Variants in ADH1A observed in about 807,000 individuals in gnomAD.
ADH1A encodes alcohol dehydrogenase 1A.
ADH1A carries 29 observed loss-of-function variants against 35.2 expected under a neutral mutation model. The ratio of observed to expected loss-of-function variants is 0.82; its 90% CI spans 0.61 to 1.12. The LOEUF is 1.12. ADH1A is among the 50% of genes most tolerant of loss of function. ADH1A has a pLI of 0.00. For missense variants in ADH1A, 469 were observed against 464.7 expected (o/e 1.01, Z -0.09); for synonymous variants, 147 against 164.8 (o/e 0.89, Z 0.83).
At chr4:99,277,618 G>A (rs369025067) in intron 8 of ADH1A, among the ~76,000 whole-genome samples, 2 of 152,038 alleles carry the variant, frequency 1.3e-5, no homozygotes, top group South Asian at 2.1e-4. Context: ...CTTCTTACTA[G>A]GCATATGTAC....
chr4:99,282,254 A>G, intron 6 of ADH1A, 92 bp downstream of exon 6: 5 of 1,611,180 alleles, frequency 3.1e-6, no homozygotes, highest in Non-Finnish European at 3.4e-6. Context: ...ATCATTAAAA[A>G]TATCCTTTAT....
At chr4:99,283,149 A>G (rs1733048246) in intron 5 of ADH1A, among the ~76,000 whole-genome samples, 1 of 152,234 alleles carries the variant, frequency 6.6e-6, no homozygotes, top group Non-Finnish European at 1.5e-5. Context: ...CATGACCAGT[A>G]TATCCCTGCT....
At chr4:99,287,292 A>C (rs1296740746) in intron 2 of ADH1A, among the ~76,000 whole-genome samples, 2 of 152,242 alleles carry the variant, frequency 1.3e-5, no homozygotes, top group Admixed American at 6.5e-5. Context: ...GTTGCAAATT[A>C]ATACATAAAA....
chr4:99,284,878 G>T, intron 3 of ADH1A, 75 bp from the exon 4 acceptor site: 1 of 1,295,590 alleles, frequency 7.7e-7, no homozygotes. Context: ...AAGCTCACAT[G>T]TCTTTAAAAC....
In ADH1A at chr4:99,284,716, T is replaced by C. The variant is rs1733100945; in HGVS notation, c.347A>G (p.Asp116Gly). 1 of 1,614,134 alleles carries C rather than the reference T, an allele frequency of 6.2e-7. No homozygotes were observed. Among genetic ancestry groups the C allele is most frequent in the Non-Finnish European group, 8.5e-7 (1 of 1,179,970 alleles). Residue 116 changes from aspartate to glycine, a missense_variant and splice_region_variant, in exon 4 of 9, where the codon GAT (aspartate) becomes GGT (glycine). Physicochemically the swap from Asp to Gly is moderately conservative, Grantham distance 94 (BLOSUM62 -1). Transcript: ENST00000209668. ...NPESNYCLKN[D>G]VSNPQGTLQD... is the part of the protein sequence containing the mutation. The stretch of plus-strand genomic sequence containing the variant: ...CGCAGGGAGAGCATCAGAAACCTAC[T>C]CGTTTTTCAAGCAGTAGTTGCTCTC...
rs1313569755 is a variant in ADH1A at position 99,284,362 on chromosome 4, GCGTGTAA to G, written c.567+30_567+36del. ...CTTCCCTTTGGGTTCCTGACAGTCTGCGTGTAACTGTTTTTATCACCCATTGCCATTC... is the reference window on the plus strand; with the variant it reads ...CTTCCCTTTGGGTTCCTGACAGTCTGCTGTTTTTATCACCCATTGCCATTC... On this transcript the variant is annotated intron_variant, in intron 5 of 8. Coordinates refer to ENST00000209668, the MANE Select transcript of ADH1A (RefSeq NM_000667.4). 3.1e-6 allele frequency: 5 copies of G among 1,600,134 alleles called. No homozygotes were observed. The Admixed American group carries it at 8.3e-5, about 27-fold the overall frequency.
At chr4:99,279,276 C>A (rs1162408945) in intron 8 of ADH1A, 150 bp downstream of exon 8, 18 of 1,084,678 alleles carry the variant, frequency 1.7e-5, no homozygotes, top group Non-Finnish European at 2.1e-5. Context: ...TTTTAAACTT[C>A]TCTTACAAGC....
chr4:99,287,426 A>T, intron 2 of ADH1A, 138 bp downstream of exon 2: 2 of 848,472 alleles, frequency 2.4e-6, no homozygotes, highest in Non-Finnish European at 1.8e-6. Context: ...TTTAAAATTT[A>T]AAAATTTATA....
At chr4:99,280,468 G>T (rs567716412) in intron 6 of ADH1A, among the ~76,000 whole-genome samples, 189 bp from the exon 7 acceptor site, 1 of 152,170 alleles carries the variant, frequency 6.6e-6, no homozygotes, top group South Asian at 2.1e-4. Context: ...CCAGAAAACG[G>T]TTTTTTAATG....
In ADH1A at chr4:99,287,579, A is replaced by T. The variant is rs777679011; in HGVS notation, c.105T>A (p.His35Gln). ...TGTATTTCACCTTAATACGAACTTCATGGGCCTTAGGAGGTGCAACCTCCA... is the reference window on the plus strand; with the variant it reads ...TGTATTTCACCTTAATACGAACTTCTTGGGCCTTAGGAGGTGCAACCTCCA... Reference protein sequence around the residue: ...EEVEVAPPKAHEVRIKMVAVG... With the variant: ...EEVEVAPPKAQEVRIKMVAVG... The change falls in exon 2 of 9, where the codon CAT (histidine) becomes CAA (glutamine). Residue 35 changes from histidine (H) to glutamine (Q), a missense_variant. Coordinates refer to ENST00000209668, the MANE Select transcript of ADH1A (RefSeq NM_000667.4). 6 of 1,613,132 alleles carry T rather than the reference A, an allele frequency of 3.7e-6. No individual in the cohort carries two copies. The highest frequency in any genetic ancestry group is 3.4e-6 in the Non-Finnish European group (4 of 1,179,452).
intron 2 of ADH1A, 79 bp from the exon 3 acceptor site, chr4:99,287,067 G>T: frequency 1.3e-6 from 2 of 1,528,116 alleles, no homozygotes; most frequent in South Asian, 1.3e-5. Context: ...CTGAAATTGC[G>T]CTTCCAAAAT....
chr4:99,283,933 A>G (rs906362106), intron 5 of ADH1A, among the ~76,000 whole-genome samples: 1 of 152,166 alleles, frequency 6.6e-6, no homozygotes, highest in Non-Finnish European at 1.5e-5. Flanking sequence ...TTGGAGGTGC[A>G]TCAGGTAAGG....
In ADH1A at chr4:99,284,594, C is replaced by T. The variant is rs1161071057; in HGVS notation, c.372G>A (p.Leu124=). Residue 124 remains leucine (L), a synonymous_variant, in exon 5 of 9, where the codon CTG becomes CTA. Transcript: ENST00000209668. ...AGGTGAACCTGCTGGTGCCATCCTG[C>T]AGGGTCCCCTGAGGATTGCTTACAC... The part of the protein sequence containing the change: ...KNDVSNPQGT[L]QDGTSRFTCR... The T allele has an allele frequency of 1.9e-6, 3 of 1,614,054 alleles. No individual in the cohort carries two copies. The African/African-American group carries it at 4.0e-5, about 22-fold the overall frequency.
intron 6 of ADH1A, among the ~76,000 whole-genome samples, chr4:99,280,693 T>G (rs553286138): frequency 3.9e-4 from 59 of 152,280 alleles, no homozygotes; most frequent in African/African-American, 1.4e-3. Context: ...ACCACATATT[T>G]TAATGGGAAA....
chr4:99,278,396 T>C (rs1732917726), intron 8 of ADH1A: 1 of 152,120 alleles, frequency 6.6e-6, no homozygotes, highest in African/African-American at 2.4e-5. Flanking sequence ...CTTCCTACCA[T>C]CTGATGATTT....
intron 1 of ADH1A, among the ~76,000 whole-genome samples, chr4:99,287,939 C>T (rs1212976256): frequency 6.6e-6 from 1 of 152,082 alleles, no homozygotes; most frequent in Non-Finnish European, 1.5e-5. Flanking sequence ...TGTTTTTCTC[C>T]AAAGTTGTTT....
In ADH1A at chr4:99,282,528, C is replaced by T; in HGVS notation, c.646G>A (p.Gly216Arg). 1 of 1,614,184 alleles carries T rather than the reference C, an allele frequency of 6.2e-7. No homozygotes were observed. Residue 216 changes from glycine (G) to arginine (R), a missense_variant, in exon 6 of 9, where the codon GGG becomes AGG. By Grantham distance (125) the Gly-to-Arg change is moderately radical. Coordinates refer to ENST00000209668, the MANE Select transcript of ADH1A (RefSeq NM_000667.4). ...LSAIMGCKAA[G>R]AARIIAVDIN... is the part of the protein sequence containing the mutation. ...TCCACCGCAATGATTCTGGCTGCCC[C>T]AGCTGCTTTACAGCCCATAATAGCA...
Position 99,287,706 on chromosome 4 carries a change from C to T in ADH1A, c.19-41G>A, listed in dbSNP as rs748962374. ...GAGAGATGGCACCAGTGTTCTCCCA[C>T]GCTTGCAGTCAGATATTGTGTCATT... On this transcript the variant is annotated intron_variant, in intron 1 of 8. Transcript: ENST00000209668. The T allele has an allele frequency of 1.4e-5, 22 of 1,602,920 alleles. No homozygotes were observed. The East Asian group carries it at 1.8e-4, about 13-fold the overall frequency.
intron 5 of ADH1A, among the ~76,000 whole-genome samples, chr4:99,282,922 C>A (rs532601176): frequency 6.6e-6 from 1 of 152,124 alleles, no homozygotes; most frequent in Non-Finnish European, 1.5e-5. Context: ...GGGAACCAGG[C>A]GACTGGATGA....
Sources: allele counts gnomAD v4.1 joint callset (sites outside exome capture counted in the v4.1 genomes callset), GRCh38; gene constraint gnomAD v4.1.1; transcripts MANE v1.5; gene names NCBI Gene and HGNC (gene_info 2026-07-23, HGNC 2026-07-21).